The following KCNG2 variants were observed in gnomAD, a reference collection of about 807,000 sequenced individuals.
KCNG2 encodes voltage-gated potassium channel regulatory subunit KCNG2.
A neutral mutation model predicts 12.3 loss-of-function variants in KCNG2; 7 were observed. The observed-to-expected ratio is 0.57, with a 90% CI of 0.32 to 1.07. The LOEUF (loss-of-function observed/expected upper bound fraction) is 1.07, where lower values mean the gene tolerates loss of function less well. KCNG2 is among the 50% of genes least tolerant of loss of function. The probability of loss-of-function intolerance (pLI) is 0.04; values close to 1 mark genes in which losing one functional copy is unlikely to be tolerated. For missense variants in KCNG2, 703 were observed against 726.0 expected (o/e 0.97, Z 0.36); for synonymous variants, 414 against 351.4 (o/e 1.18, Z -1.99).
chr18:79,821,849 T>C (rs989776309), intron 1 of KCNG2, among the ~76,000 whole-genome samples: 36 of 152,360 alleles, frequency 2.4e-4, no homozygotes, highest in African/African-American at 6.5e-4. Flanking sequence ...ACCTTTGAGA[T>C]TGGAAGTGTG....
At chr18:79,896,525 C>T (rs1980982363) in intron 3 of KCNG2, among the ~76,000 whole-genome samples, 2 of 152,174 alleles carry the variant, frequency 1.3e-5, no homozygotes, top group Admixed American at 1.3e-4. Flanking sequence ...CTCCTTTGTG[C>T]TTTTATTGGC....
intron 3 of KCNG2, among the ~76,000 whole-genome samples, chr18:79,892,338 A>G (rs992377656): frequency 1.3e-5 from 2 of 152,216 alleles, no homozygotes; most frequent in African/African-American, 2.4e-5. Context: ...TACTTTGTCT[A>G]TTAGTACAGT....
chr18:79,864,345 A>T, intron 3 of KCNG2, 54 bp downstream of exon 3: 1 of 344,170 alleles, frequency 2.9e-6, no homozygotes, highest in Non-Finnish European at 4.6e-6. Flanking sequence ...CTGGGCTGGG[A>T]TCTGGGCTGC....
chr18:79,848,163 G>A (rs1013695247), intron 1 of KCNG2, among the ~76,000 whole-genome samples: 1 of 152,162 alleles, frequency 6.6e-6, no homozygotes, highest in South Asian at 2.1e-4. Context: ...AGTGATGAAC[G>A]CCAACCTCAT....
chr18:79,803,608 G>A lies in KCNG2; in HGVS notation c.-115+5594G>A, dbSNP rs2087427582. Among the ~76,000 whole-genome samples the A allele has an allele frequency of 6.6e-6, 1 of 152,222 alleles. No homozygotes were observed. The highest frequency in any genetic ancestry group is 2.4e-5 in the African/African-American group (1 of 41,458). On this transcript the variant is annotated intron_variant, in intron 1 of 3. Transcript: ENST00000316249. This position sits in a 1 kb window ranked among gnomAD's most constrained non-coding sequence, Gnocchi z 4.5. ...GATCGTGTTTCTTCCCTGAGAACCT[G>A]CAGGGCTGGCCGTGATTCTCACCAC...
At chr18:79,846,755 T>A (rs961400242) in intron 1 of KCNG2, among the ~76,000 whole-genome samples, 1 of 152,258 alleles carries the variant, frequency 6.6e-6, no homozygotes, top group African/African-American at 2.4e-5. Context: ...GTATGCTCAC[T>A]GATTGGTTGA....
chr18:79,822,280 C>A lies in KCNG2; in HGVS notation c.-115+24266C>A, dbSNP rs540855375. 6.6e-6 allele frequency among the ~76,000 whole-genome samples: 1 copy of A among 152,174 alleles called. No homozygotes were observed. Among genetic ancestry groups the A allele is most frequent in the African/African-American group, 2.4e-5 (1 of 41,438 alleles). ...CCAGACCAGGGATTCCCACTGGCCC[C>A]GCCCTGGTCACTACTTTAAAACCCC... is the stretch of plus-strand genomic sequence containing the variant. On this transcript the variant is annotated intron_variant, in intron 1 of 3. Transcript: ENST00000316249. This position sits in a 1 kb window ranked among gnomAD's most constrained non-coding sequence, Gnocchi z 4.4.
Position 79,881,146 on chromosome 18 carries a change from A to G in KCNG2, c.624+16855A>G, listed in dbSNP as rs1400203479. Among the ~76,000 whole-genome samples the G allele has an allele frequency of 2.0e-5, 3 of 152,260 alleles. No homozygotes were observed. In the East Asian group the frequency reaches 5.8e-4, roughly 29 times the overall value. ...GTAGACGTCGTACTATTGGAAAGCAAGAGAATAGAACTGCATATGTAGAAA... is the reference window on the plus strand; with the variant it reads ...GTAGACGTCGTACTATTGGAAAGCAGGAGAATAGAACTGCATATGTAGAAA... On this transcript the variant is annotated intron_variant, in intron 3 of 3. Transcript: ENST00000316249.
intron 3 of KCNG2, among the ~76,000 whole-genome samples, chr18:79,868,483 G>A (rs1166823079): frequency 6.6e-6 from 1 of 152,226 alleles, no homozygotes; most frequent in African/African-American, 2.4e-5. Context: ...ACTGACCGAA[G>A]GTCTTTTTCG....
At chr18:79,896,438 G>T (rs1235828410) in intron 3 of KCNG2, among the ~76,000 whole-genome samples, 3 of 152,158 alleles carry the variant, frequency 2.0e-5, no homozygotes, top group Non-Finnish European at 2.9e-5. Context: ...TGCGATTGTT[G>T]TAATACACAT....
At chr18:79,815,990 G>A (rs1296265074) in intron 1 of KCNG2, 1 of 152,268 alleles carries the variant, frequency 6.6e-6, no homozygotes, top group Non-Finnish European at 1.5e-5. Flanking sequence ...GCTGTTTCTG[G>A]TGGTGGGATT....
chr18:79,845,084 A>G (rs1382781945), intron 1 of KCNG2, among the ~76,000 whole-genome samples: 4 of 152,252 alleles, frequency 2.6e-5, no homozygotes, highest in Non-Finnish European at 5.9e-5. Flanking sequence ...ACTACTCTGC[A>G]GTAAAAAGGG....
rs774169630 is a variant in KCNG2, at chr18:79,863,652, C to T, written c.-16C>T. 6 of 1,211,816 alleles carry T rather than the reference C, an allele frequency of 5.0e-6. No individual in the cohort carries two copies. In the Admixed American group the frequency reaches 1.6e-4, roughly 33 times the overall value. 75.1% of individuals were successfully genotyped at this position (1,211,816 alleles called of 1,614,324 possible). On this transcript the variant is annotated 5_prime_UTR_variant, in exon 3 of 4. Transcript: ENST00000316249. ...GGAGCCGGGCAGGAGCCCCTCGGTCCGGTCCGGCCCTGCGCATGGAGCCAT... is the reference window on the plus strand; with the variant it reads ...GGAGCCGGGCAGGAGCCCCTCGGTCTGGTCCGGCCCTGCGCATGGAGCCAT...
chr18:79,869,432 C>T (rs774209125), intron 3 of KCNG2, among the ~76,000 whole-genome samples: 1 of 152,188 alleles, frequency 6.6e-6, no homozygotes, highest in Non-Finnish European at 1.5e-5. Context: ...GTGCTTGGCT[C>T]TGGGCTGCCT....
intron 3 of KCNG2, among the ~76,000 whole-genome samples, chr18:79,881,402 T>C (rs187230298): frequency 6.6e-6 from 1 of 152,352 alleles, no homozygotes; most frequent in Admixed American, 6.5e-5. Flanking sequence ...CAGAACTGCC[T>C]ATGTAGAAAT....
In KCNG2 at chr18:79,863,691, G is replaced by A. The variant is rs1568260711; in HGVS notation, c.24G>A (p.Pro8=). 22 of 1,174,606 alleles carry A rather than the reference G, an allele frequency of 1.9e-5. No individual in the cohort carries two copies. Among genetic ancestry groups the A allele is most frequent in the Non-Finnish European group, 2.2e-5 (21 of 944,750 alleles). 72.8% of individuals were successfully genotyped at this position (1,174,606 alleles called of 1,614,324 possible). Residue 8 remains proline (P), a synonymous_variant, in exon 3 of 4, where the codon CCG becomes CCA. Transcript: ENST00000316249. ...GCATGGAGCCATGGCCCTGCTCCCCGGGCGGCGGCGGCGGGACCCGCGCCC... is the reference window on the plus strand; with the variant it reads ...GCATGGAGCCATGGCCCTGCTCCCCAGGCGGCGGCGGCGGGACCCGCGCCC... MEPWPCS[P]GGGGGTRARH... is the part of the protein sequence containing the mutation.
At chr18:79,855,509 G>A (rs1978978280) in intron 1 of KCNG2, among the ~76,000 whole-genome samples, 1 of 151,982 alleles carries the variant, frequency 6.6e-6, no homozygotes, top group African/African-American at 2.4e-5. Context: ...ACTGGCCTGC[G>A]ACCACCTTTG....
chr18:79,799,174 G>C (rs1027111319), intron 1 of KCNG2, among the ~76,000 whole-genome samples: 1 of 152,242 alleles, frequency 6.6e-6, no homozygotes, highest in African/African-American at 2.4e-5. Context: ...GGAGATCTCA[G>C]AGTGATTAAG....
chr18:79,851,653 ATGTG>A (rs1000420095), intron 1 of KCNG2, among the ~76,000 whole-genome samples: 6 of 151,734 alleles, frequency 4.0e-5, no homozygotes, highest in Admixed American at 6.6e-5. Flanking sequence ...GTGTGAGTGA[ATGTG>A]TGTGAATGTG....
Sources: gnomAD v4.1 joint callset for allele counts (sites outside exome capture counted in the v4.1 genomes callset) on GRCh38, gnomAD v4.1.1 for gene constraint, Gnocchi (gnomAD v3.1) non-coding constraint, MANE v1.5 for transcripts, NCBI Gene and HGNC (gene_info 2026-07-23, HGNC 2026-07-21) for gene names.